The following GLIS1 variants were observed in gnomAD, a reference collection of about 807,000 sequenced individuals.
The protein encoded by GLIS1 is zinc finger protein GLIS1.
A neutral mutation model predicts 63.8 loss-of-function variants in GLIS1; 24 were observed. The observed-to-expected ratio is 0.38, with a 90% confidence interval of 0.27 to 0.53. The LOEUF (loss-of-function observed/expected upper bound fraction) is 0.53, where lower values mean the gene tolerates loss of function less well. Ranked by LOEUF, GLIS1 falls within the 20% of genes least tolerant of loss-of-function variation. The probability of loss-of-function intolerance (pLI) is 0.85; values close to 1 mark genes in which losing one functional copy is unlikely to be tolerated. For missense variants in GLIS1, 1,036 were observed against 1,074.1 expected, an observed-to-expected ratio of 0.96 and a Z score of 0.50; for synonymous variants, 450 against 482.5, an observed-to-expected ratio of 0.93 and a Z score of 0.88.
chr1:53,539,488 G>A lies in GLIS1; in HGVS notation c.1321-9536C>T, dbSNP rs968138201. Reference sequence around the variant, plus strand: ...TACACATCATACCTCCCACACACACGTACCACACCCCCAACATACACACAC... The same window carrying A: ...TACACATCATACCTCCCACACACACATACCACACCCCCAACATACACACAC... On this transcript the variant is annotated intron_variant, in intron 4 of 10. Transcript: ENST00000628545. This position sits in a 1 kb window ranked among gnomAD's most constrained non-coding sequence, Gnocchi z 5.0. Among the ~76,000 whole-genome samples, 5 of 136,984 alleles carry A rather than the reference G, an allele frequency of 3.7e-5. No individual in the cohort carries two copies. The highest frequency in any genetic ancestry group is 8.4e-5 in the African/African-American group (3 of 35,764). The allele number at this position is 136,984 out of a possible 152,430, so 89.9% of individuals were successfully genotyped here. A position where few individuals can be genotyped will look rare whatever the true frequency, so the allele number is the denominator to read the frequency against.
chr1:53,739,160 GCAGCAGCCC>G (rs1418823006), exon 1 of GLIS1, among the ~76,000 whole-genome samples: 3 of 117,102 alleles, frequency 2.6e-5, no homozygotes, highest in African/African-American at 8.1e-5. Context: ...CTCCACTGGC[GCAGCAGCCC>G]CCGCAGCCGC....
At chr1:53,565,880 T>C (rs979321285) in intron 4 of GLIS1, among the ~76,000 whole-genome samples, 1 of 151,870 alleles carries the variant, frequency 6.6e-6, no homozygotes, top group Non-Finnish European at 1.5e-5. Flanking sequence ...AATCAGATAA[T>C]AAAAGTAGGA....
intron 2 of GLIS1, among the ~76,000 whole-genome samples, chr1:53,601,903 G>C (rs1312172405): frequency 6.6e-6 from 1 of 152,214 alleles, no homozygotes; most frequent in Non-Finnish European, 1.5e-5. Context: ...ATGTGCCATA[G>C]CTCTGGACAG....
rs1459258594 is a variant in GLIS1 at position 53,524,802 on chromosome 1, G to A, written c.1568C>T (p.Ala523Val). The A allele has an allele frequency of 6.2e-7, 1 of 1,613,364 alleles. No individual in the cohort carries two copies. The highest frequency in any genetic ancestry group is 1.7e-5 in the Admixed American group (1 of 60,008). ...SLRKHVKAHS[A>V]KEQQVRKKLH... ...CTTCTTACGCACCTGCTGCTCTTTGGCTGAATGGGCCTTGACGTGCTTGCG... is the reference window on the plus strand; with the variant it reads ...CTTCTTACGCACCTGCTGCTCTTTGACTGAATGGGCCTTGACGTGCTTGCG... Residue 523 changes from alanine (A) to valine (V), a missense_variant, in exon 6 of 11, where the codon GCC (alanine) becomes GTC (valine). This residue lies in a region of GLIS1 where 400 missense variants were observed against 400.9 expected (regional missense o/e 1.00). Coordinates refer to ENST00000628545, the MANE Select transcript of GLIS1 (RefSeq NM_001367484.1).
intron 4 of GLIS1, among the ~76,000 whole-genome samples, chr1:53,573,334 T>C (rs1260213964): frequency 6.6e-6 from 1 of 151,970 alleles, no homozygotes; most frequent in African/African-American, 2.4e-5. Flanking sequence ...GCTTTGAGAA[T>C]GGGGGAAGGA....
At chr1:53,545,735 A>G (rs755289311) in intron 4 of GLIS1, among the ~76,000 whole-genome samples, 5 of 152,204 alleles carry the variant, frequency 3.3e-5, no homozygotes, top group Admixed American at 6.5e-5. Flanking sequence ...TTGTTTTGCT[A>G]AAGTTTAAAA....
Position 53,512,972 on chromosome 1 carries a change from A to T in GLIS1, c.1883+1653T>A, listed in dbSNP as rs114653169. Among the ~76,000 whole-genome samples the T allele has an allele frequency of 7.5e-3, 1,135 of 152,116 alleles. 11 individuals carry two copies. The highest frequency in any genetic ancestry group is 0.026 in the African/African-American group (1,063 of 41,476). ...GTCAGGCGTGTGTACGGCCCTCACC[A>T]CCTTCCTCAGGGAGGGCCTTATAAT... On this transcript the variant is annotated intron_variant, in intron 8 of 10. Transcript: ENST00000628545.
rs553419189 is a variant in GLIS1 at position 53,718,810 on chromosome 1, T to C, written c.259+18996A>G. Among the ~76,000 whole-genome samples, 8 of 152,288 alleles carry C rather than the reference T, an allele frequency of 5.3e-5. No individual in the cohort carries two copies. In the East Asian group the frequency reaches 1.5e-3, roughly 29 times the overall value. On this transcript the variant is annotated intron_variant, in intron 2 of 10. Transcript: ENST00000628545. ...CTTTTTAGTCCCAAGAACAGTCTCA[T>C]CTTAGTAATTAAAATGTCCTGTCCA...
intron 2 of GLIS1, among the ~76,000 whole-genome samples, chr1:53,660,173 T>A (rs1404240679): frequency 1.3e-5 from 2 of 152,156 alleles, no homozygotes; most frequent in Non-Finnish European, 2.9e-5. Context: ...CCGAAAAGCA[T>A]CAGGGCCTTG....
chr1:53,684,377 G>A (rs1646308354), intron 2 of GLIS1, among the ~76,000 whole-genome samples: 1 of 152,166 alleles, frequency 6.6e-6, no homozygotes, highest in Non-Finnish European at 1.5e-5. Context: ...AAGCCTAGAA[G>A]CCTCTAGGGG....
At chr1:53,708,164 T>C (rs1646600501) in intron 2 of GLIS1, among the ~76,000 whole-genome samples, 1 of 151,954 alleles carries the variant, frequency 6.6e-6, no homozygotes, top group African/African-American at 2.4e-5. Flanking sequence ...ATGCCTGTAG[T>C]CCCAGCTACT....
chr1:53,516,171 T>C (rs1038500584), intron 7 of GLIS1, among the ~76,000 whole-genome samples: 12 of 152,092 alleles, frequency 7.9e-5, no homozygotes, highest in Admixed American at 1.3e-4. Context: ...AGGGCAGCTG[T>C]TACATGCTGA....
chr1:53,573,815 A>G (rs1645007255), intron 4 of GLIS1, among the ~76,000 whole-genome samples: 1 of 152,208 alleles, frequency 6.6e-6, no homozygotes, highest in Admixed American at 6.5e-5. Flanking sequence ...TGGACTTGGT[A>G]TACCCTGAAA....
At chr1:53,637,910 G>A (rs1303404097) in intron 2 of GLIS1, among the ~76,000 whole-genome samples, 1 of 152,256 alleles carries the variant, frequency 6.6e-6, no homozygotes, top group Non-Finnish European at 1.5e-5. Flanking sequence ...CAGAGGACAG[G>A]GGCATGGAGG....
At chr1:53,735,505 C>T (rs1646903892) in intron 2 of GLIS1, among the ~76,000 whole-genome samples, 1 of 152,196 alleles carries the variant, frequency 6.6e-6, no homozygotes, top group Non-Finnish European at 1.5e-5. Flanking sequence ...TGAGGTGGCC[C>T]TTGCACATTC....
At chr1:53,718,967 C>T (rs1161158289) in intron 2 of GLIS1, among the ~76,000 whole-genome samples, 1 of 152,220 alleles carries the variant, frequency 6.6e-6, no homozygotes, top group Non-Finnish European at 1.5e-5. Context: ...TTAGTGCCCA[C>T]TGTGTTACCC....
intron 5 of GLIS1, among the ~76,000 whole-genome samples, chr1:53,529,085 G>C (rs929987378): frequency 3.9e-5 from 6 of 152,214 alleles, no homozygotes; most frequent in African/African-American, 7.2e-5. Context: ...CAGAGCACAG[G>C]GTCTGTATGA....
chr1:53,729,461 G>T (rs1646837768), intron 2 of GLIS1, among the ~76,000 whole-genome samples: 1 of 152,116 alleles, frequency 6.6e-6, no homozygotes, highest in East Asian at 1.9e-4. Context: ...GGGTACGGAG[G>T]GAGGAGACAA....
At chr1:53,636,838 C>A (rs557096432) in intron 2 of GLIS1, among the ~76,000 whole-genome samples, 3 of 152,228 alleles carry the variant, frequency 2.0e-5, no homozygotes, top group African/African-American at 7.2e-5. Context: ...CTGTTTCTGA[C>A]TTTGCTTCCT....
Sources: gnomAD v4.1 joint callset for allele counts (sites outside exome capture counted in the v4.1 genomes callset) on GRCh38, gnomAD v4.1.1 for gene constraint, gnomAD v4.1.1 regional missense constraint, Gnocchi (gnomAD v3.1) non-coding constraint, MANE v1.5 for transcripts, NCBI Gene and HGNC (gene_info 2026-07-23, HGNC 2026-07-21) for gene names.